LILRB2: variants seen among roughly 807,000 people sequenced by gnomAD.
LILRB2 encodes the protein leukocyte immunoglobulin like receptor B2.
In LILRB2, 47 loss-of-function variants were observed where a neutral mutation model predicts 72.7. The observed-to-expected ratio is 0.65, with a 90% CI of 0.51 to 0.82. The LOEUF (loss-of-function observed/expected upper bound fraction) is 0.82, where lower values mean the gene tolerates loss of function less well. Among genes scored for constraint, LILRB2 ranks in the 40% least tolerant of loss-of-function variants. LILRB2 has a pLI of 0.00. For synonymous variants in LILRB2, 279 were observed against 313.7 expected (o/e 0.89, Z 1.17); for missense variants, 767 against 764.8 (o/e 1.00, Z -0.03).
rs1226582675 is a variant in LILRB2, at chr19:54,276,596, G to T, written c.1481-140C>A. 4.2e-6 allele frequency: 6 copies of T among 1,435,880 alleles called. No homozygotes were observed. The African/African-American group carries it at 4.3e-5, about 10-fold the overall frequency. 88.9% of individuals were successfully genotyped at this position (1,435,880 alleles called of 1,614,324 possible). A position where few individuals can be genotyped will look rare whatever the true frequency, so the allele number is the denominator to read the frequency against. The stretch of plus-strand genomic sequence containing the variant: ...ATGCCTCATGAGATGGACAGAGTCC[G>T]AAGGACACTTTACATTTGTAGATGG... On this transcript the variant is annotated intron_variant, in intron 10 of 13. Coordinates refer to ENST00000314446, the MANE Select transcript of LILRB2 (RefSeq NM_001080978.4).
In LILRB2 at chr19:54,274,584, G is replaced by T; in HGVS notation, c.*99C>A. 1 of 1,589,592 alleles carries T rather than the reference G, an allele frequency of 6.3e-7. No individual in the cohort carries two copies. The highest frequency in any genetic ancestry group is 8.6e-7 in the Non-Finnish European group (1 of 1,165,298). On this transcript the variant is annotated 3_prime_UTR_variant, in exon 14 of 14. Coordinates refer to ENST00000314446, the MANE Select transcript of LILRB2 (RefSeq NM_001080978.4). ...CTCATGGTCTTTGTTAGGGGTCCAG[G>T]CTGACTGGGGTTCATTGGTGTCCAC... is the stretch of plus-strand genomic sequence containing the variant.
At chr19:54,278,167 C>T in intron 7 of LILRB2, 93 bp downstream of exon 7, 1 of 1,532,890 alleles carries the variant, frequency 6.5e-7, no homozygotes, top group Non-Finnish European at 8.9e-7. Context: ...CCGCTCAGAC[C>T]CCCGCTCACT....
chr19:54,279,590 C>T lies in LILRB2; in HGVS notation c.413G>A (p.Gly138Glu), dbSNP rs1417874960. The change falls in exon 5 of 14, where the codon GGA becomes GAA. Residue 138 changes from glycine to glutamate, a missense_variant. Gly to Glu is a moderately conservative substitution (Grantham distance 98, BLOSUM62 -2). Coordinates refer to ENST00000314446, the MANE Select transcript of LILRB2 (RefSeq NM_001080978.4). ...TGACTCACACTGGAGGGTCACCCTT[C>T]CTCCTGAGGTCACCACAGGGCTGGG... Reference protein sequence around the residue: ...AQPSPVVTSGGRVTLQCESQV... With the variant: ...AQPSPVVTSGERVTLQCESQV... 1.2e-6 allele frequency: 2 copies of T among 1,613,552 alleles called. No individual in the cohort carries two copies. The highest frequency in any genetic ancestry group is 2.2e-5 in the South Asian group (2 of 90,672).
intron 10 of LILRB2, 123 bp from the exon 11 acceptor site, chr19:54,276,579 T>A (rs1247042781): frequency 6.9e-7 from 1 of 1,439,040 alleles, no homozygotes; most frequent in Non-Finnish European, 9.4e-7. Context: ...AAATGCCTCA[T>A]GAGATGGACA....
Position 54,274,715 on chromosome 19 carries a change from G to A in LILRB2, c.1762C>T (p.Pro588Ser), listed in dbSNP as rs780251456. The A allele has an allele frequency of 8.1e-6, 13 of 1,613,910 alleles. No homozygotes were observed. The highest frequency in any genetic ancestry group is 2.2e-5 in the South Asian group (2 of 90,884). ...PSQEREPPAE[P>S]SIYATLAIH is the part of the protein sequence containing the mutation. Reference sequence around the variant, plus strand: ...ATGGCCAGGGTGGCGTAGATGCTGGGCTCAGCTGGAGGTTCCCTTTCCTGG... The same window carrying A: ...ATGGCCAGGGTGGCGTAGATGCTGGACTCAGCTGGAGGTTCCCTTTCCTGG... Residue 588 changes from proline (P) to serine (S), a missense_variant, in exon 14 of 14, where the codon CCC becomes TCC. Coordinates refer to ENST00000314446, the MANE Select transcript of LILRB2 (RefSeq NM_001080978.4).
At chr19:54,280,677 G>C in intron 1 of LILRB2, 133 bp from the exon 2 acceptor site, 1 of 1,261,326 alleles carries the variant, frequency 7.9e-7, no homozygotes, top group Non-Finnish European at 1.1e-6. Flanking sequence ...GCCCTCCCAG[G>C]AGCCTGACTC....
At chr19:54,280,360 C>G (rs1183534760) in intron 2 of LILRB2, 61 bp from the exon 3 acceptor site, 17 of 1,613,992 alleles carry the variant, frequency 1.1e-5, no homozygotes, top group Non-Finnish European at 1.7e-6. Context: ...CCTCCCCTCC[C>G]TGGGATCTTT....
At chr19:54,277,466 T>G (rs1372046211) in intron 9 of LILRB2, 84 bp downstream of exon 9, 1 of 1,535,042 alleles carries the variant, frequency 6.5e-7, no homozygotes, top group Non-Finnish European at 8.8e-7. Flanking sequence ...CATCACCACC[T>G]CCAGAGGAGC....
chr19:54,279,186 A>T (rs537438652), intron 5 of LILRB2, 78 bp from the exon 6 acceptor site: 20 of 1,561,120 alleles, frequency 1.3e-5, no homozygotes, highest in South Asian at 1.2e-4. Flanking sequence ...CCGGTGCCTC[A>T]CCACTGCTGA....
Position 54,278,148 on chromosome 19 carries a change from G to A in LILRB2, c.1258+112C>T, listed in dbSNP as rs74201447. The stretch of plus-strand genomic sequence containing the variant: ...TCCCTCTGAGGGTGAGTCTCCCACT[G>A]GCTGAGCCCCGCTCAGACCCCCGCT... On this transcript the variant is annotated intron_variant, in intron 7 of 13. Coordinates refer to ENST00000314446, the MANE Select transcript of LILRB2 (RefSeq NM_001080978.4). 1.2e-5 allele frequency: 17 copies of A among 1,436,564 alleles called. No individual in the cohort carries two copies. The East Asian group carries it at 2.1e-4, about 18-fold the overall frequency. 89.0% of individuals were successfully genotyped at this position (1,436,564 alleles called of 1,614,324 possible).
chr19:54,278,369 C>A lies in LILRB2; in HGVS notation c.1149G>T (p.Met383Ile). Residue 383 changes from methionine (M) to isoleucine (I), a missense_variant, in exon 7 of 14, where the codon ATG (methionine) becomes ATT (isoleucine). Around this residue, in one of 3 missense-constraint regions of LILRB2, gnomAD observed 599 missense variants for 568.2 expected, o/e 1.05. Coordinates refer to ENST00000314446, the MANE Select transcript of LILRB2 (RefSeq NM_001080978.4). ...EYPKYQAEFP[M>I]SPVTSAHAGT... is the part of the protein sequence containing the mutation. The stretch of plus-strand genomic sequence containing the variant: ...CCGCGTGGGCTGAGGTCACAGGACT[C>A]ATGGGGAATTCAGCCTGGTACTTAG... 1 of 1,614,212 alleles carries A rather than the reference C, an allele frequency of 6.2e-7. No individual in the cohort carries two copies. The highest frequency in any genetic ancestry group is 8.5e-7 in the Non-Finnish European group (1 of 1,180,024).
At position 54,280,282 on chromosome 19, in the gene LILRB2, TGG is replaced by T. The variant is rs1249643466; in HGVS notation, c.50_51del (p.Pro17GlnfsTer17). The T allele has an allele frequency of 1.9e-6, 3 of 1,613,950 alleles. No individual in the cohort carries two copies. The African/African-American group carries it at 4.0e-5, about 22-fold the overall frequency. On this transcript the variant is annotated frameshift_variant, in exon 3 of 14. Transcript: ENST00000314446. LOFTEE classifies it high-confidence loss of function. The stretch of plus-strand genomic sequence containing the variant: ...GACTCACCTGTCTGCACGCGGGTCC[TGG>T]GGCCCAGACTCAGCCCTGGAAGAGA... The part of the protein sequence containing the change: ...VLICLGLSLG[P>X]RTRVQTGTIP...
In LILRB2 at chr19:54,278,406, A is replaced by G. The variant is rs764889030; in HGVS notation, c.1112T>C (p.Ile371Thr). 4 of 1,535,380 alleles carry G rather than the reference A, an allele frequency of 2.6e-6. No homozygotes were observed. In the Admixed American group the frequency reaches 5.1e-5, roughly 20 times the overall value. ...AADAPLRLRS[I>T]HEYPKYQAEF... ...AGCCTGGTACTTAGGATATTCGTGT[A>G]TTGATCTTAGACGGAGTGGGGCATC... Residue 371 changes from isoleucine (I) to threonine (T), a missense_variant, in exon 7 of 14, where the codon ATA (isoleucine) becomes ACA (threonine). Physicochemically the swap from Ile to Thr is moderately conservative, Grantham distance 89. Transcript: ENST00000314446.
rs1411975648 is a variant in LILRB2, at chr19:54,279,654, G to A, written c.356-7C>T. The A allele has an allele frequency of 2.5e-6, 4 of 1,603,822 alleles. No homozygotes were observed. The highest frequency in any genetic ancestry group is 2.2e-5 in the East Asian group (1 of 44,726). ...GTGGGTTTTGGGTAGGCTCCTAGGA[G>A]AGAAGGAGGCATCGTGTTAAATGGG... is the stretch of plus-strand genomic sequence containing the variant. On this transcript the variant is annotated splice_region_variant and splice_polypyrimidine_tract_variant and intron_variant, in intron 4 of 13. Transcript: ENST00000314446.
At position 54,279,472 on chromosome 19, in the gene LILRB2, G is replaced by A; in HGVS notation, c.531C>T (p.Ser177=). 6.2e-7 allele frequency: 1 copy of A among 1,614,194 alleles called. No individual in the cohort carries two copies. The highest frequency in any genetic ancestry group is 8.5e-7 in the Non-Finnish European group (1 of 1,180,034). Residue 177 remains serine (S), a synonymous_variant, in exon 5 of 14, where the codon TCC becomes TCT. Transcript: ENST00000314446. ...LNSQPHARGS[S]RAIFSVGPVS... ...CGGGGCCCACGGAGAAGATGGCGCG[G>A]GACGACCCACGGGCATGGGGCTGGG...
rs138743272 is a variant in LILRB2 at position 54,278,491 on chromosome 19, G to A, written c.1027C>T (p.Leu343=). The change falls in exon 7 of 14, where the codon CTG becomes TTG. Residue 343 remains leucine, a synonymous_variant. Transcript: ENST00000314446. ...AACTGCCGCCATGACTGACACAGCA[G>A]GGTCACGTTCTCTCCTGAGGCCACT... ...PTVASGENVT[L]LCQSWRQFHT... The A allele has an allele frequency of 1.9e-6, 3 of 1,614,258 alleles. No individual in the cohort carries two copies. The highest frequency in any genetic ancestry group is 1.7e-6 in the Non-Finnish European group (2 of 1,180,040).
At chr19:54,277,313 G>A (rs894490772) in intron 9 of LILRB2, 173 of 1,278,714 alleles carry the variant, frequency 1.4e-4, no homozygotes, top group Non-Finnish European at 1.8e-4. Context: ...CCGCGGAATC[G>A]AGTCTTGGAG....
intron 2 of LILRB2, 82 bp from the exon 3 acceptor site, chr19:54,280,381 G>A (rs2080494559): frequency 1.9e-6 from 3 of 1,613,994 alleles, no homozygotes; most frequent in South Asian, 1.1e-5. Context: ...GTGAGCCCCT[G>A]GGGTCTCCTT....
rs1569107195 is a variant in LILRB2, at chr19:54,279,391, G to C, written c.612C>G (p.Pro204=). Residue 204 remains proline (P), a synonymous_variant, in exon 5 of 14, where the codon CCC becomes CCG. Transcript: ENST00000314446. ...HRCYGYDLNS[P]YVWSSPSDLL... ...GATCACTGGGTGAAGACCACACATAGGGAGAGTTCAAGTCATAACCATAGC... is the reference window on the plus strand; with the variant it reads ...GATCACTGGGTGAAGACCACACATACGGAGAGTTCAAGTCATAACCATAGC... 5.0e-6 allele frequency: 8 copies of C among 1,614,112 alleles called. No homozygotes were observed. Among genetic ancestry groups the C allele is most frequent in the Non-Finnish European group, 6.8e-6 (8 of 1,179,992 alleles).
Sources: allele counts gnomAD v4.1 joint callset, GRCh38; gene constraint gnomAD v4.1.1; regional missense constraint gnomAD v4.1.1; transcripts MANE v1.5; gene names NCBI Gene and HGNC (gene_info 2026-07-23, HGNC 2026-07-21).